KCNJ1: variants seen among roughly 807,000 people sequenced by gnomAD.
KCNJ1 encodes the protein potassium inwardly rectifying channel subfamily J member 1.
KCNJ1 carries 24 observed loss-of-function variants against 21.9 expected under a neutral mutation model. The observed-to-expected ratio is 1.10, with a 90% confidence interval of 0.79 to 1.54. The LOEUF (loss-of-function observed/expected upper bound fraction) is 1.54, where lower values mean the gene tolerates loss of function less well. Ranked by LOEUF, KCNJ1 falls within the 40% of genes most tolerant of loss-of-function variation. The pLI is 0.00. For synonymous variants in KCNJ1, 152 were observed against 160.9 expected (o/e 0.94, Z 0.42); for missense variants, 457 against 455.4 (o/e 1.00, Z -0.03).
At chr11:128,842,567 C>G (rs945031588) in intron 2 of KCNJ1, 61 of 1,496,406 alleles carry the variant, frequency 4.1e-5, no homozygotes, top group Non-Finnish European at 5.1e-5. Context: ...ATAGTGGAGT[C>G]GTGTGATTTA....
chr11:128,860,035 CG>C lies in KCNJ1; in HGVS notation c.-192+7137del, dbSNP rs1438686649. 1.2e-4 allele frequency among the ~76,000 whole-genome samples: 18 copies of C among 152,344 alleles called. No individual in the cohort carries two copies. The East Asian group carries it at 3.1e-3, about 26-fold the overall frequency. ...TACCAGCAGCAGCAGCGCCCCCTGG[CG>C]CCTGCCGAGGGCACTGCGCAAGAGA... On this transcript the variant is annotated intron_variant, in intron 1 of 2. Coordinates refer to ENST00000392666, the MANE Select transcript of KCNJ1 (RefSeq NM_153766.3).
In KCNJ1 at chr11:128,839,110, G is replaced by T. The variant is rs780139179; in HGVS notation, c.*15C>A. 1.2e-6 allele frequency: 2 copies of T among 1,610,762 alleles called. No homozygotes were observed. The highest frequency in any genetic ancestry group is 3.3e-5 in the Admixed American group (2 of 59,986). ...GCTTTAGAGACTTTGCTTTACTCCC[G>T]TTGAAAAGCCACTGTTACATTTTGG... On this transcript the variant is annotated 3_prime_UTR_variant, in exon 3 of 3. Transcript: ENST00000392666.
At position 128,856,315 on chromosome 11, in the gene KCNJ1, C is replaced by T. The variant is rs1012516149; in HGVS notation, c.-191-5425G>A. Among the ~76,000 whole-genome samples, 5 of 152,216 alleles carry T rather than the reference C, an allele frequency of 3.3e-5. No homozygotes were observed. In the East Asian group the frequency reaches 9.6e-4, roughly 29 times the overall value. On this transcript the variant is annotated intron_variant, in intron 1 of 2. Transcript: ENST00000392666. ...TGAATTTCCTCTGAGGTTAGCACGA[C>T]CAGCCTTCCAGACCCGGAGGCAACC...
rs867361925 is a variant in KCNJ1, at chr11:128,838,672, C to T, written c.*453G>A. On this transcript the variant is annotated 3_prime_UTR_variant, in exon 3 of 3. Coordinates refer to ENST00000392666, the MANE Select transcript of KCNJ1 (RefSeq NM_153766.3). ...CTCCCCAAATTAGGAGACAATTTTT[C>T]CATGAGTAAAAGTCCACATTAAAAG... The T allele has an allele frequency of 6.1e-6, 1 of 163,918 alleles. No homozygotes were observed. The highest frequency in any genetic ancestry group is 6.0e-5 in the Admixed American group (1 of 16,802). The allele number at this position is 163,918 out of a possible 1,614,324, so 10.2% of individuals were successfully genotyped here. A position where few individuals can be genotyped will look rare whatever the true frequency, so the allele number is the denominator to read the frequency against.
intron 1 of KCNJ1, among the ~76,000 whole-genome samples, chr11:128,861,296 T>C (rs1247954850): frequency 6.6e-6 from 1 of 152,234 alleles, no homozygotes; most frequent in Admixed American, 6.5e-5. Context: ...GGCTGCAGCA[T>C]TCACTGGCAG....
At chr11:128,841,937 G>T (rs1238349103) in intron 2 of KCNJ1, among the ~76,000 whole-genome samples, 1 of 152,208 alleles carries the variant, frequency 6.6e-6, no homozygotes, top group East Asian at 1.9e-4. Context: ...AGGGGATGGT[G>T]CATGTGAGGT....
intron 2 of KCNJ1, among the ~76,000 whole-genome samples, chr11:128,850,000 T>C (rs1361236018): frequency 6.6e-6 from 1 of 152,106 alleles, no homozygotes; most frequent in Non-Finnish European, 1.5e-5. Context: ...CTCTTGACCT[T>C]GGAGTCAGTA....
intron 1 of KCNJ1, among the ~76,000 whole-genome samples, chr11:128,864,465 T>C (rs77168252): frequency 0.027 from 4,035 of 152,244 alleles, 81 homozygotes; most frequent in Non-Finnish European, 0.045. Flanking sequence ...TTTGTTTTTG[T>C]TGTTTTCTTT....
At chr11:128,866,537 G>T in intron 1 of KCNJ1, 1 of 978,328 alleles carries the variant, frequency 1.0e-6, no homozygotes, top group Non-Finnish European at 1.2e-6. Flanking sequence ...TCAGAGCAGA[G>T]ATAAACAGTT....
intron 1 of KCNJ1, among the ~76,000 whole-genome samples, chr11:128,862,877 G>A (rs755961657): frequency 2.6e-5 from 4 of 152,178 alleles, no homozygotes; most frequent in African/African-American, 7.2e-5. Context: ...GCATGAGACC[G>A]GGATTACCCT....
At chr11:128,845,911 C>A (rs1282092597) in intron 2 of KCNJ1, among the ~76,000 whole-genome samples, 5 of 152,190 alleles carry the variant, frequency 3.3e-5, no homozygotes, top group African/African-American at 1.2e-4. Flanking sequence ...TGCCTCCCTC[C>A]TTCCAGAGAA....
At chr11:128,861,472 G>C (rs1161869739) in intron 1 of KCNJ1, among the ~76,000 whole-genome samples, 1 of 152,192 alleles carries the variant, frequency 6.6e-6, no homozygotes. Context: ...AGACAGAAAG[G>C]AAGCTGCAAG....
chr11:128,840,136 A>C lies in KCNJ1; in HGVS notation c.108T>G (p.Asn36Lys), dbSNP rs759217390. Residue 36 changes from asparagine to lysine, a missense_variant, in exon 3 of 3, where the codon AAT (asparagine) becomes AAG (lysine). Physicochemically the swap from Asn to Lys is moderately conservative, Grantham distance 94 (BLOSUM62 0). Coordinates refer to ENST00000392666, the MANE Select transcript of KCNJ1 (RefSeq NM_153766.3). Reference sequence around the variant, plus strand: ...ATATAAACCTTGACTGTGCCTCCACATTGCCAAATTCTATGTTGCACCTTC... The same window carrying C: ...ATATAAACCTTGACTGTGCCTCCACCTTGCCAAATTCTATGTTGCACCTTC... Reference protein sequence around the residue: ...KDGRCNIEFGNVEAQSRFIFF... With the variant: ...KDGRCNIEFGKVEAQSRFIFF... The C allele has an allele frequency of 6.8e-6, 11 of 1,614,058 alleles. No homozygotes were observed. The South Asian group carries it at 1.2e-4, about 18-fold the overall frequency.
chr11:128,858,811 G>A (rs1041895004), intron 1 of KCNJ1, among the ~76,000 whole-genome samples: 1 of 152,224 alleles, frequency 6.6e-6, no homozygotes, highest in Non-Finnish European at 1.5e-5. Flanking sequence ...TAGAAGGTTA[G>A]AATTTAGTCT....
chr11:128,856,626 G>A (rs1030471187), intron 1 of KCNJ1, among the ~76,000 whole-genome samples: 3 of 152,162 alleles, frequency 2.0e-5, no homozygotes, highest in Non-Finnish European at 4.4e-5. Flanking sequence ...GAATACAACT[G>A]ATTTCATGTT....
intron 1 of KCNJ1, among the ~76,000 whole-genome samples, chr11:128,859,333 C>A (rs561311112): frequency 6.6e-6 from 1 of 152,342 alleles, no homozygotes; most frequent in South Asian, 2.1e-4. Context: ...TAGCTCACTG[C>A]AGCCTCTACC....
At chr11:128,849,676 G>T (rs1004672899) in intron 2 of KCNJ1, among the ~76,000 whole-genome samples, 4 of 152,230 alleles carry the variant, frequency 2.6e-5, no homozygotes, top group Admixed American at 2.6e-4. Flanking sequence ...GCAGCCATGA[G>T]AGCAGCTGAA....
At chr11:128,847,358 C>A (rs1024505434) in intron 2 of KCNJ1, among the ~76,000 whole-genome samples, 2 of 152,286 alleles carry the variant, frequency 1.3e-5, no homozygotes, top group African/African-American at 4.8e-5. Context: ...CCTAAGAGCA[C>A]AGGAAATAAG....
rs1435489305 is a variant in KCNJ1, at chr11:128,840,080, T to G, written c.164A>C (p.Asp55Ala). Residue 55 changes from aspartate (D) to alanine (A), a missense_variant, in exon 3 of 3, where the codon GAC (aspartate) becomes GCC (alanine). Physicochemically the swap from Asp to Ala is moderately radical, Grantham distance 126 (BLOSUM62 -2). Transcript: ENST00000392666. ...GGTCATTTTGTATCTCCACTTGAGGTCAAGTACCGTTGTCCAGATGTCCAC... is the reference window on the plus strand; with the variant it reads ...GGTCATTTTGTATCTCCACTTGAGGGCAAGTACCGTTGTCCAGATGTCCAC... ...FFVDIWTTVLDLKWRYKMTIF... is the reference protein window; with the variant it reads ...FFVDIWTTVLALKWRYKMTIF... The G allele has an allele frequency of 1.2e-6, 2 of 1,614,126 alleles. No individual in the cohort carries two copies. Among genetic ancestry groups the G allele is most frequent in the Non-Finnish European group, 1.7e-6 (2 of 1,180,008 alleles).
Sources: gnomAD v4.1 joint callset for allele counts (sites outside exome capture counted in the v4.1 genomes callset) on GRCh38, gnomAD v4.1.1 for gene constraint, MANE v1.5 for transcripts, NCBI Gene and HGNC (gene_info 2026-07-23, HGNC 2026-07-21) for gene names.